Variants in INTS3 observed in about 807,000 individuals in gnomAD.
INTS3 encodes SOSS complex subunit A.
In INTS3, 34 loss-of-function variants were observed where a neutral mutation model predicts 146.3. The ratio of observed to expected loss-of-function variants is 0.23; its 90% confidence interval spans 0.18 to 0.31. The LOEUF (loss-of-function observed/expected upper bound fraction) is 0.31, where lower values mean the gene tolerates loss of function less well. INTS3 is among the 10% of genes least tolerant of loss of function. The pLI, the probability that INTS3 is intolerant of heterozygous loss-of-function variation, is 1.00. For missense variants in INTS3, 757 were observed against 1,304.2 expected, an observed-to-expected ratio of 0.58 and a Z score of 6.46; for synonymous variants, 475 against 494.9, an observed-to-expected ratio of 0.96 and a Z score of 0.53.
intron 9 of INTS3, among the ~76,000 whole-genome samples, chr1:153,755,088 T>C (rs1672114415): frequency 6.6e-6 from 1 of 152,206 alleles, no homozygotes; most frequent in Non-Finnish European, 1.5e-5. Flanking sequence ...GTGTTCACGC[T>C]AAGAAACCCA....
chr1:153,752,544 G>C, intron 8 of INTS3, 136 bp downstream of exon 8: 2 of 840,090 alleles, frequency 2.4e-6, no homozygotes, highest in Non-Finnish European at 3.7e-6. Flanking sequence ...GACAGGGCAA[G>C]CTTTGCCAAG....
chr1:153,773,292 C>A lies in INTS3; in HGVS notation c.*22C>A. The A allele has an allele frequency of 6.2e-7, 1 of 1,605,384 alleles. No homozygotes were observed. Among genetic ancestry groups the A allele is most frequent in the Non-Finnish European group, 8.5e-7 (1 of 1,172,102 alleles). On this transcript the variant is annotated 3_prime_UTR_variant, in exon 30 of 30. Coordinates refer to ENST00000318967, the MANE Select transcript of INTS3 (RefSeq NM_023015.5). ...CTGAGGCCCTGCATTCCCCATCCCA[C>A]CCCCGGCTGGACTGCCCTCTCCTTC... is the stretch of plus-strand genomic sequence containing the variant.
intron 22 of INTS3, among the ~76,000 whole-genome samples, chr1:153,769,273 G>A (rs1471622629): frequency 2.0e-5 from 3 of 152,162 alleles, no homozygotes; most frequent in Admixed American, 1.3e-4. Flanking sequence ...CCTTTGGCTC[G>A]GAATGAAAAT....
chr1:153,763,264 C>T lies in INTS3; in HGVS notation c.1668C>T (p.Ile556=), dbSNP rs766461136. 8.7e-6 allele frequency: 14 copies of T among 1,614,176 alleles called. No homozygotes were observed. In the South Asian group the frequency reaches 1.1e-4, roughly 13 times the overall value. The part of the protein sequence containing the change: ...GKKREFRFHP[I]KETVVEEPVD... ...AGAGGGAGTTTCGCTTCCACCCTAT[C>T]AAGGAGACAGTTGTGGAGGAGCCAG... The change falls in exon 16 of 30, where the codon ATC becomes ATT. Residue 556 remains isoleucine (I), a synonymous_variant. Transcript: ENST00000318967.
intron 8 of INTS3, chr1:153,753,655 CTTTT>C (rs1156512014): frequency 1.5e-5 from 2 of 133,950 alleles, no homozygotes; most frequent in East Asian, 2.1e-4. Context: ...AGGCAGGTCT[CTTTT>C]TTTTTTTTTT....
chr1:153,761,244 C>T, intron 13 of INTS3: 1 of 529,990 alleles, frequency 1.9e-6, no homozygotes, highest in Admixed American at 3.7e-5. Flanking sequence ...GACACAGTGG[C>T]TCATGCCTGT....
intron 6 of INTS3, among the ~76,000 whole-genome samples, chr1:153,750,054 A>G (rs1671897322): frequency 6.6e-6 from 1 of 152,250 alleles, no homozygotes; most frequent in Admixed American, 6.5e-5. Flanking sequence ...GTTAAAAGGT[A>G]GCAGGTAGGG....
intron 1 of INTS3, 69 bp from the exon 2 acceptor site, chr1:153,740,582 T>C (rs1671490299): frequency 2.6e-6 from 3 of 1,175,322 alleles, no homozygotes; most frequent in Non-Finnish European, 2.6e-6. Flanking sequence ...TGTTAAACTT[T>C]TAGGGGCCCA....
intron 20 of INTS3, among the ~76,000 whole-genome samples, chr1:153,766,092 T>C (rs563950566): frequency 6.6e-6 from 1 of 151,838 alleles, no homozygotes; most frequent in East Asian, 1.9e-4. Context: ...ATGTGATCTT[T>C]TGTGACTTGC....
intron 5 of INTS3, chr1:153,747,783 T>C (rs927143102): frequency 4.8e-6 from 1 of 209,170 alleles, no homozygotes; most frequent in East Asian, 1.1e-4. Flanking sequence ...TCCCTAATAA[T>C]TAAGCCCTTT....
chr1:153,760,165 G>A (rs919075961), intron 11 of INTS3, 146 bp from the exon 12 acceptor site: 37 of 611,206 alleles, frequency 6.1e-5, no homozygotes, highest in Non-Finnish European at 9.9e-5. Flanking sequence ...CTGGGAGGCA[G>A]AGGCTTCAGT....
rs901141008 is a variant in INTS3 at position 153,741,487 on chromosome 1, C to T, written c.318+119C>T. On this transcript the variant is annotated intron_variant, in intron 3 of 29. Transcript: ENST00000318967. ...TCGACCAGAGCTGGATCACCTTGTT[C>T]TCCAAATATAGTTACAAGTCCCTTT... 1.2e-5 allele frequency: 9 copies of T among 724,204 alleles called. No individual in the cohort carries two copies. The East Asian group carries it at 2.1e-4, about 17-fold the overall frequency. The allele number at this position is 724,204 out of a possible 1,614,324, so 44.9% of individuals were successfully genotyped here.
At chr1:153,743,438 G>T (rs959363764) in intron 3 of INTS3, among the ~76,000 whole-genome samples, 1 of 152,190 alleles carries the variant, frequency 6.6e-6, no homozygotes, top group African/African-American at 2.4e-5. Context: ...AGGAGCCTCT[G>T]TTAGTACTGG....
At chr1:153,752,931 T>G (rs758101459) in intron 8 of INTS3, among the ~76,000 whole-genome samples, 31 of 152,190 alleles carry the variant, frequency 2.0e-4, no homozygotes, top group South Asian at 8.3e-4. Context: ...TTTATATCCC[T>G]TTCCCTTTCC....
rs936907217 is a variant in INTS3, at chr1:153,757,034, G to A, written c.958-538G>A. 6.6e-6 allele frequency among the ~76,000 whole-genome samples: 1 copy of A among 152,058 alleles called. No individual in the cohort carries two copies. The highest frequency in any genetic ancestry group is 2.4e-5 in the African/African-American group (1 of 41,376). ...GAAACCAGATCCTTTTCCTTATTTAGTGTTACTATTTGTGATCACTTAGGG... is the reference window on the plus strand; with the variant it reads ...GAAACCAGATCCTTTTCCTTATTTAATGTTACTATTTGTGATCACTTAGGG... On this transcript the variant is annotated intron_variant, in intron 9 of 29. Transcript: ENST00000318967. The surrounding 1 kb of genome is among the most constrained non-coding windows in gnomAD (Gnocchi z 4.0).
chr1:153,763,902 A>AT lies in INTS3; in HGVS notation c.1821+17dup. On this transcript the variant is annotated intron_variant, in intron 17 of 29. Transcript: ENST00000318967. The stretch of plus-strand genomic sequence containing the variant: ...GGTCCTGGAGGTGAGGAGGAACCCA[A>AT]TCCCTTAGGGAGGAAGCAGCCTAGC... The AT allele has an allele frequency of 6.2e-7, 1 of 1,612,102 alleles. No homozygotes were observed. The highest frequency in any genetic ancestry group is 1.3e-5 in the African/African-American group (1 of 75,000).
intron 3 of INTS3, among the ~76,000 whole-genome samples, chr1:153,742,459 T>C (rs1288273352): frequency 7.1e-6 from 1 of 141,280 alleles, no homozygotes; most frequent in East Asian, 2.2e-4. Context: ...AACTTCCTCT[T>C]GTGTGGGTTT....
At chr1:153,759,998 G>A (rs1672313227) in intron 11 of INTS3, 1 of 504,674 alleles carries the variant, frequency 2.0e-6, no homozygotes. Context: ...CTGCTCAGTG[G>A]AAATGGGGGG....
At chr1:153,734,527 T>A (rs1671215337) in intron 1 of INTS3, among the ~76,000 whole-genome samples, 4 of 152,220 alleles carry the variant, frequency 2.6e-5, no homozygotes, top group African/African-American at 9.6e-5. Context: ...TGAGCCTCTC[T>A]GTTCCAAGAG....
Sources: allele counts gnomAD v4.1 joint callset (sites outside exome capture counted in the v4.1 genomes callset), GRCh38; gene constraint gnomAD v4.1.1; non-coding constraint Gnocchi (gnomAD v3.1); transcripts MANE v1.5; gene names NCBI Gene and HGNC (gene_info 2026-07-23, HGNC 2026-07-21).